NWD2: variants seen among roughly 807,000 people sequenced by gnomAD.
NWD2 encodes the protein NACHT and WD repeat domain-containing protein 2.
NWD2 carries 37 observed loss-of-function variants against 132.7 expected under a neutral mutation model. The observed-to-expected ratio is 0.28, with a 90% CI of 0.21 to 0.37. NWD2 has a LOEUF of 0.37. Among genes scored for constraint, NWD2 ranks in the 10% least tolerant of loss-of-function variants. The pLI is 1.00. For synonymous variants in NWD2, 705 were observed against 803.0 expected, an observed-to-expected ratio of 0.88 and a Z score of 2.06; for missense variants, 1,592 against 2,122.4, an observed-to-expected ratio of 0.75 and a Z score of 4.91.
At chr4:37,384,894 C>G (rs1439392077) in intron 3 of NWD2, among the ~76,000 whole-genome samples, 2 of 152,078 alleles carry the variant, frequency 1.3e-5, no homozygotes, top group African/African-American at 4.8e-5. Context: ...CCTAAAGGGC[C>G]CACACTTGCT....
chr4:37,437,076 A>T (rs1712341623), intron 5 of NWD2, among the ~76,000 whole-genome samples: 1 of 152,172 alleles, frequency 6.6e-6, no homozygotes, highest in African/African-American at 2.4e-5. Flanking sequence ...ACCATTTTTA[A>T]ATAAAATTCT....
chr4:37,369,177 A>G (rs1168494213), intron 3 of NWD2, among the ~76,000 whole-genome samples: 2 of 152,212 alleles, frequency 1.3e-5, no homozygotes, highest in African/African-American at 4.8e-5. Flanking sequence ...GAAACTTATG[A>G]TCCAAAATTT....
intron 3 of NWD2, among the ~76,000 whole-genome samples, chr4:37,424,546 G>C (rs1317594904): frequency 1.3e-5 from 2 of 152,178 alleles, no homozygotes; most frequent in Non-Finnish European, 1.5e-5. Context: ...GAGAAAAACA[G>C]ACCCACCTGC....
intron 1 of NWD2, among the ~76,000 whole-genome samples, chr4:37,288,603 A>G (rs1003615235): frequency 1.3e-5 from 2 of 152,266 alleles, no homozygotes; most frequent in African/African-American, 4.8e-5. Context: ...AAATTTAATC[A>G]GCAAACTATT....
chr4:37,419,456 A>C lies in NWD2; in HGVS notation c.358-11116A>C, dbSNP rs185291190. Among the ~76,000 whole-genome samples the C allele has an allele frequency of 2.6e-4, 40 of 152,322 alleles. No individual in the cohort carries two copies. In the East Asian group the frequency reaches 7.5e-3, roughly 29 times the overall value. On this transcript the variant is annotated intron_variant, in intron 3 of 6. Coordinates refer to ENST00000309447, the MANE Select transcript of NWD2 (RefSeq NM_001144990.2). ...AGCAAAAGAAACTATCATCAAAGTAAACAGACAACCTACAGGATGGGAGAA... is the reference window on the plus strand; with the variant it reads ...AGCAAAAGAAACTATCATCAAAGTACACAGACAACCTACAGGATGGGAGAA...
intron 1 of NWD2, among the ~76,000 whole-genome samples, chr4:37,256,551 C>G (rs1717524728): frequency 6.6e-6 from 1 of 152,100 alleles, no homozygotes; most frequent in Non-Finnish European, 1.5e-5. Flanking sequence ...AAATGGAATT[C>G]AGAAACTACT....
At chr4:37,420,167 C>CT (rs1711761641) in intron 3 of NWD2, among the ~76,000 whole-genome samples, 1 of 152,136 alleles carries the variant, frequency 6.6e-6, no homozygotes, top group African/African-American at 2.4e-5. Context: ...TATGAGTTAC[C>CT]TGTTCATGTC....
chr4:37,315,431 T>C (rs1718937078), intron 1 of NWD2, among the ~76,000 whole-genome samples: 2 of 152,250 alleles, frequency 1.3e-5, no homozygotes, highest in African/African-American at 2.4e-5. Context: ...TTCTCCGTTA[T>C]ATATTTTAGG....
At chr4:37,362,468 G>A (rs146257369) in intron 3 of NWD2, among the ~76,000 whole-genome samples, 46 of 152,102 alleles carry the variant, frequency 3.0e-4, no homozygotes, top group African/African-American at 1.0e-3. Flanking sequence ...GTACAAAAAC[G>A]GACACATAGA....
chr4:37,383,760 T>G (rs1720505794), intron 3 of NWD2, among the ~76,000 whole-genome samples: 1 of 152,210 alleles, frequency 6.6e-6, no homozygotes, highest in South Asian at 2.1e-4. Context: ...CCCATGGCTC[T>G]TACTTTGGAC....
intron 1 of NWD2, among the ~76,000 whole-genome samples, chr4:37,315,415 G>T (rs1047788603): frequency 4.5e-4 from 68 of 152,064 alleles, no homozygotes; most frequent in African/African-American, 1.5e-3. Flanking sequence ...TTTTAATTTT[G>T]CCAGCTTCTC....
rs1712660691 is a variant in NWD2, at chr4:37,447,167, G to C, written c.5179G>C (p.Val1727Leu). 1 of 1,551,312 alleles carries C rather than the reference G, an allele frequency of 6.4e-7. No individual in the cohort carries two copies. The highest frequency in any genetic ancestry group is 2.4e-5 in the East Asian group (1 of 40,922). ...SKKHNSCYER[V>L]CSALEARGHS... ...GAAACACAACTCTTGTTATGAGCGG[G>C]TATGCTCGGCCCTAGAAGCCAGGGG... Residue 1727 changes from valine (V) to leucine (L), a missense_variant, in exon 7 of 7, where the codon GTA becomes CTA. Physicochemically the swap from Val to Leu is conservative, Grantham distance 32. Around this residue, in one of 7 missense-constraint regions of NWD2, gnomAD observed 257 missense variants for 335.0 expected, o/e 0.77. Transcript: ENST00000309447.
chr4:37,378,237 G>T (rs997454327), intron 3 of NWD2, among the ~76,000 whole-genome samples: 3 of 151,574 alleles, frequency 2.0e-5, no homozygotes, highest in Non-Finnish European at 4.4e-5. Context: ...AACTGGCTTT[G>T]ATTTGGAAAA....
At chr4:37,360,245 T>C (rs1719952777) in intron 3 of NWD2, among the ~76,000 whole-genome samples, 1 of 152,190 alleles carries the variant, frequency 6.6e-6, no homozygotes. Context: ...TAACAACCAG[T>C]AATTTTAGAC....
chr4:37,377,680 G>A (rs756811053), intron 3 of NWD2, among the ~76,000 whole-genome samples: 11 of 152,130 alleles, frequency 7.2e-5, no homozygotes, highest in Admixed American at 3.3e-4. Flanking sequence ...GCGGTGAGCC[G>A]AGATCACGCC....
intron 1 of NWD2, among the ~76,000 whole-genome samples, chr4:37,292,400 C>T (rs897479865): frequency 2.6e-5 from 4 of 152,150 alleles, no homozygotes; most frequent in Non-Finnish European, 5.9e-5. Flanking sequence ...TGTGAGGACG[C>T]AGCAGGAGGC....
chr4:37,251,072 A>G (rs1717349066), intron 1 of NWD2, among the ~76,000 whole-genome samples: 1 of 152,204 alleles, frequency 6.6e-6, no homozygotes, highest in Admixed American at 6.5e-5. Flanking sequence ...TGAGGTCAGG[A>G]ATTCGAGACC....
chr4:37,248,319 C>T (rs114212784), intron 1 of NWD2, among the ~76,000 whole-genome samples: 1,837 of 152,202 alleles, frequency 0.012, 44 homozygotes, highest in African/African-American at 0.042. Context: ...AGAGGTAGTC[C>T]GAGGCATTCA....
intron 3 of NWD2, among the ~76,000 whole-genome samples, chr4:37,409,223 G>T (rs181388531): frequency 9.0e-4 from 137 of 152,096 alleles, no homozygotes; most frequent in African/African-American, 3.1e-3. Flanking sequence ...AGCTAAAGGA[G>T]CATGTTCTAA....
Sources: gnomAD v4.1 joint callset for allele counts (sites outside exome capture counted in the v4.1 genomes callset) on GRCh38, gnomAD v4.1.1 for gene constraint, gnomAD v4.1.1 regional missense constraint, MANE v1.5 for transcripts, NCBI Gene and HGNC (gene_info 2026-07-23, HGNC 2026-07-21) for gene names.